RGS6: variants seen among roughly 807,000 people sequenced by gnomAD.
RGS6 encodes regulator of G-protein signaling 6.
A neutral mutation model predicts 78.5 loss-of-function variants in RGS6; 30 were observed. The ratio of observed to expected loss-of-function variants is 0.38; its 90% CI spans 0.29 to 0.52. RGS6 has a LOEUF of 0.52. Among genes scored for constraint, RGS6 ranks in the 20% least tolerant of loss-of-function variants. The pLI is 0.85. For missense variants in RGS6, 495 were observed against 609.7 expected (o/e 0.81, Z 1.98); for synonymous variants, 206 against 206.0 (o/e 1.00, Z 0.00).
At chr14:72,582,415 A>C in the RGS6 span, among the ~76,000 whole-genome samples, 2 of 152,210 alleles carry the variant, frequency 1.3e-5, no homozygotes, top group African/African-American at 4.8e-5. Context: ...AAAAGTATTA[A>C]ATGATTAAAT....
the RGS6 span, among the ~76,000 whole-genome samples, chr14:72,611,637 C>A: frequency 6.6e-6 from 1 of 152,194 alleles, no homozygotes; most frequent in African/African-American, 2.4e-5. Flanking sequence ...AACCCACAAG[C>A]AGCTCTGGGG....
At chr14:72,487,358 C>T (rs1002632202) in intron 12 of RGS6, among the ~76,000 whole-genome samples, 2 of 152,166 alleles carry the variant, frequency 1.3e-5, no homozygotes, top group African/African-American at 2.4e-5. Flanking sequence ...AGTCAAACTA[C>T]ACCTGTGGTA....
intron 9 of RGS6, among the ~76,000 whole-genome samples, chr14:72,473,675 C>G (rs778645491): frequency 1.3e-5 from 2 of 152,154 alleles, no homozygotes; most frequent in Non-Finnish European, 2.9e-5. Context: ...ACTGAATTAG[C>G]GCACATTGAA....
At chr14:72,369,494 T>G (rs747090399) in intron 3 of RGS6, among the ~76,000 whole-genome samples, 10 of 152,198 alleles carry the variant, frequency 6.6e-5, no homozygotes, top group Non-Finnish European at 1.5e-4. Context: ...CATAGAAAAC[T>G]AATACAGTGC....
chr14:72,007,801 T>C (rs1333487358), intron 2 of RGS6, among the ~76,000 whole-genome samples: 1 of 152,092 alleles, frequency 6.6e-6, no homozygotes, highest in African/African-American at 2.4e-5. Flanking sequence ...TGGGTGTGGC[T>C]TTTGTGTAGT....
At chr14:72,266,522 C>A (rs534674479) in intron 2 of RGS6, among the ~76,000 whole-genome samples, 1 of 152,164 alleles carries the variant, frequency 6.6e-6, no homozygotes. Context: ...CTCGAATGTT[C>A]TTGAAGATTA....
At chr14:72,597,806 G>A in the RGS6 span, among the ~76,000 whole-genome samples, 1 of 152,096 alleles carries the variant, frequency 6.6e-6, no homozygotes, top group Admixed American at 6.5e-5. Context: ...TTCACTATGT[G>A]CACCGAGGAG....
intron 2 of RGS6, among the ~76,000 whole-genome samples, chr14:72,326,798 C>G (rs1199142148): frequency 6.6e-6 from 1 of 152,210 alleles, no homozygotes; most frequent in African/African-American, 2.4e-5. Context: ...AGCTCCACCT[C>G]CCGGGCTCAC....
At position 72,045,179 on chromosome 14, in the gene RGS6, G is replaced by C. The variant is rs181811910; in HGVS notation, c.84+80304G>C. Among the ~76,000 whole-genome samples the C allele has an allele frequency of 1.5e-3, 224 of 152,238 alleles. 2 individuals carry two copies. The highest frequency in any genetic ancestry group is 2.7e-3 in the Non-Finnish European group (183 of 68,024). On this transcript the variant is annotated intron_variant, in intron 2 of 17. Coordinates refer to ENST00000553525, the MANE Select transcript of RGS6 (RefSeq NM_001204424.2). ...TTTATCCTATTGGTTCTGTTTCTCA[G>C]GAGAACCCTAATACACATATTAATC...
At chr14:72,390,188 C>G (rs1328328307) in intron 3 of RGS6, among the ~76,000 whole-genome samples, 1 of 150,186 alleles carries the variant, frequency 6.7e-6, no homozygotes, top group Non-Finnish European at 1.5e-5. Flanking sequence ...ACCTCCGCTT[C>G]CCGGGTTGAA....
At chr14:72,296,171 A>G (rs745457809) in intron 2 of RGS6, among the ~76,000 whole-genome samples, 4 of 152,200 alleles carry the variant, frequency 2.6e-5, no homozygotes, top group Non-Finnish European at 5.9e-5. Context: ...AGATTTATCC[A>G]TGTTGCAGCA....
intron 13 of RGS6, among the ~76,000 whole-genome samples, chr14:72,498,215 G>GT (rs2096670442): frequency 6.6e-6 from 1 of 152,104 alleles, no homozygotes; most frequent in African/African-American, 2.4e-5. Flanking sequence ...ACTCCCCCTG[G>GT]AGATGTGATA....
chr14:72,277,803 C>T (rs2153942408), intron 2 of RGS6, among the ~76,000 whole-genome samples: 1 of 152,132 alleles, frequency 6.6e-6, no homozygotes, highest in South Asian at 2.1e-4. Context: ...TGGTATGCAC[C>T]TGTAGTCCCA....
chr14:72,115,343 G>A (rs2095862962), intron 2 of RGS6, among the ~76,000 whole-genome samples: 1 of 152,144 alleles, frequency 6.6e-6, no homozygotes, highest in African/African-American at 2.4e-5. Flanking sequence ...GTAGGCAGTT[G>A]GGAAGGGAAA....
chr14:72,274,922 A>G (rs1158518420), intron 2 of RGS6, among the ~76,000 whole-genome samples: 1 of 152,236 alleles, frequency 6.6e-6, no homozygotes, highest in East Asian at 1.9e-4. Context: ...AAACTAATAC[A>G]GTTTATCTTA....
intron 2 of RGS6, among the ~76,000 whole-genome samples, chr14:72,250,314 T>C (rs1044588101): frequency 6.6e-6 from 1 of 151,254 alleles, no homozygotes; most frequent in African/African-American, 2.4e-5. Flanking sequence ...TTTAAGGAAA[T>C]TTTCCTAGAA....
chr14:72,296,330 A>G (rs1405967190), intron 2 of RGS6, among the ~76,000 whole-genome samples: 1 of 152,214 alleles, frequency 6.6e-6, no homozygotes, highest in Non-Finnish European at 1.5e-5. Context: ...GTGGACATAT[A>G]TTCTCATTTC....
At chr14:72,417,831 G>T (rs1476975120) in intron 3 of RGS6, among the ~76,000 whole-genome samples, 1 of 152,116 alleles carries the variant, frequency 6.6e-6, no homozygotes, top group Non-Finnish European at 1.5e-5. Flanking sequence ...TTGCCCCACT[G>T]GTCCCCAGGT....
chr14:71,971,378 A>G (rs1566933166), intron 2 of RGS6, among the ~76,000 whole-genome samples: 1 of 152,164 alleles, frequency 6.6e-6, no homozygotes, highest in Non-Finnish European at 1.5e-5. Flanking sequence ...CACTGGCCAT[A>G]TCCGTCTACT....
Sources: allele counts gnomAD v4.1 joint callset (sites outside exome capture counted in the v4.1 genomes callset), GRCh38; gene constraint gnomAD v4.1.1; transcripts MANE v1.5; gene names NCBI Gene and HGNC (gene_info 2026-07-23, HGNC 2026-07-21).